The following MBD5 variants were observed in gnomAD, a reference collection of about 807,000 sequenced individuals.
MBD5 encodes the protein methyl-CpG-binding domain protein 5.
In MBD5, 13 loss-of-function variants were observed where a neutral mutation model predicts 117.3. That is an observed-to-expected ratio of 0.11 (90% CI 0.07 to 0.18). The LOEUF is 0.18. MBD5 is among the 10% of genes least tolerant of loss of function. MBD5 has a pLI of 1.00. For missense variants in MBD5, 1,879 were observed against 2,093.8 expected, an observed-to-expected ratio of 0.90 and a Z score of 2.00; for synonymous variants, 727 against 766.4, an observed-to-expected ratio of 0.95 and a Z score of 0.85.
intron 1 of MBD5, among the ~76,000 whole-genome samples, chr2:148,147,086 C>A (rs1024509589): frequency 1.3e-5 from 2 of 151,918 alleles, no homozygotes; most frequent in Non-Finnish European, 2.9e-5. Context: ...TTGTAGGTGG[C>A]TTAACATCTT....
chr2:148,143,331 GAC>G (rs1697363500), intron 1 of MBD5, among the ~76,000 whole-genome samples: 1 of 152,246 alleles, frequency 6.6e-6, no homozygotes, highest in South Asian at 2.1e-4. Flanking sequence ...AGAGAAAAAA[GAC>G]AGAAAAGTTG....
intron 1 of MBD5, among the ~76,000 whole-genome samples, chr2:148,123,843 A>T (rs1340075723): frequency 1.3e-5 from 2 of 152,240 alleles, no homozygotes; most frequent in Non-Finnish European, 2.9e-5. Flanking sequence ...TCCATAGAAC[A>T]CATAGGAAAA....
chr2:148,174,206 G>T (rs758970685), intron 1 of MBD5, among the ~76,000 whole-genome samples: 54 of 152,174 alleles, frequency 3.5e-4, no homozygotes, highest in Admixed American at 6.5e-4. Flanking sequence ...AATGGCAAAG[G>T]ATAGTCTCTT....
At chr2:148,488,748 T>G (rs1396352877) in intron 10 of MBD5, among the ~76,000 whole-genome samples, 1 of 152,014 alleles carries the variant, frequency 6.6e-6, no homozygotes, top group Non-Finnish European at 1.5e-5. Context: ...GCTCCCCTGG[T>G]AAGTATGCTC....
intron 4 of MBD5, among the ~76,000 whole-genome samples, chr2:148,363,229 C>T (rs1437079094): frequency 6.6e-6 from 1 of 151,938 alleles, no homozygotes; most frequent in African/African-American, 2.4e-5. Context: ...TGAAAGGAAG[C>T]TAAGAACCTT....
chr2:148,439,222 A>G (rs1706245854), intron 4 of MBD5, among the ~76,000 whole-genome samples: 1 of 152,056 alleles, frequency 6.6e-6, no homozygotes, highest in South Asian at 2.1e-4. Context: ...AAGATTTTAG[A>G]CTTTAAGGAT....
Position 148,490,286 on chromosome 2 carries a change from C to A in MBD5, c.4654C>A (p.Pro1552Thr), listed in dbSNP as rs762356801. The A allele has an allele frequency of 6.2e-7, 1 of 1,614,166 alleles. No homozygotes were observed. Among genetic ancestry groups the A allele is most frequent in the Non-Finnish European group, 8.5e-7 (1 of 1,180,036 alleles). The change falls in exon 11 of 14, where the codon CCA becomes ACA. Residue 1552 changes from proline to threonine, a missense_variant. Physicochemically the swap from Pro to Thr is conservative, Grantham distance 38. Around this residue, in one of 4 missense-constraint regions of MBD5, gnomAD observed 1,666 missense variants for 1,792.2 expected, o/e 0.93. Transcript: ENST00000642680. Reference protein sequence around the residue: ...KQDLVLEEQSPSSSNSLENSL... With the variant: ...KQDLVLEEQSTSSSNSLENSL... ...AGACCTGGTCCTAGAGGAGCAGTCT[C>A]CAAGTTCCTCAAATAGTTTGGAAAA...
At chr2:148,327,851 C>A (rs1164651766) in intron 3 of MBD5, among the ~76,000 whole-genome samples, 1 of 152,232 alleles carries the variant, frequency 6.6e-6, no homozygotes, top group Admixed American at 6.5e-5. Context: ...TCGTCAAAGT[C>A]ATCTCCGTCC....
At chr2:148,511,924 G>A (rs1303868111) in intron 13 of MBD5, among the ~76,000 whole-genome samples, 3 of 152,230 alleles carry the variant, frequency 2.0e-5, no homozygotes, top group African/African-American at 7.2e-5. Flanking sequence ...GAGCCAACTT[G>A]TAGTGGATCC....
chr2:148,093,385 T>A (rs1695989776), intron 1 of MBD5, among the ~76,000 whole-genome samples: 1 of 152,212 alleles, frequency 6.6e-6, no homozygotes, highest in South Asian at 2.1e-4. Context: ...ATTTGTATTA[T>A]CAGTCATTTT....
chr2:148,337,842 G>A (rs1421811098), intron 3 of MBD5, among the ~76,000 whole-genome samples: 2 of 152,066 alleles, frequency 1.3e-5, no homozygotes, highest in African/African-American at 4.8e-5. Flanking sequence ...CTTTCTTGTA[G>A]GACTTTACTG....
intron 1 of MBD5, among the ~76,000 whole-genome samples, chr2:148,070,437 A>C (rs975074162): frequency 1.3e-5 from 2 of 152,318 alleles, no homozygotes; most frequent in South Asian, 2.1e-4. Flanking sequence ...TTAAAACATA[A>C]ATCATTAAGA....
chr2:148,257,722 G>A (rs1381503648), intron 3 of MBD5, among the ~76,000 whole-genome samples: 2 of 152,218 alleles, frequency 1.3e-5, no homozygotes, highest in Admixed American at 1.3e-4. Context: ...ATGACATATG[G>A]TGGGACTATG....
At chr2:148,214,240 A>G (rs1388603719) in intron 2 of MBD5, among the ~76,000 whole-genome samples, 1 of 152,178 alleles carries the variant, frequency 6.6e-6, no homozygotes, top group Admixed American at 6.5e-5. Context: ...GTCTTTGTGG[A>G]GCTACTCAAC....
At chr2:148,225,507 T>C (rs948865700) in intron 2 of MBD5, among the ~76,000 whole-genome samples, 9 of 152,286 alleles carry the variant, frequency 5.9e-5, no homozygotes, top group African/African-American at 2.2e-4. Flanking sequence ...ACAGTTACAG[T>C]GTTATAATAT....
intron 1 of MBD5, among the ~76,000 whole-genome samples, chr2:148,120,930 G>A (rs1696754468): frequency 3.9e-5 from 6 of 152,152 alleles, no homozygotes; most frequent in Admixed American, 2.6e-4. Flanking sequence ...TCAGATTGAG[G>A]AAGTTTCTTT....
chr2:148,087,448 C>G (rs1281257322), intron 1 of MBD5, among the ~76,000 whole-genome samples: 3 of 152,192 alleles, frequency 2.0e-5, no homozygotes, highest in Non-Finnish European at 2.9e-5. Context: ...CTTCTACAAC[C>G]AATTACAGAG....
chr2:148,195,386 A>T (rs1011096595), intron 2 of MBD5, among the ~76,000 whole-genome samples: 1 of 152,204 alleles, frequency 6.6e-6, no homozygotes, highest in Non-Finnish European at 1.5e-5. Flanking sequence ...TTAACAATAG[A>T]TCTTAAAAAT....
At chr2:148,084,898 A>C (rs1695739149) in intron 1 of MBD5, among the ~76,000 whole-genome samples, 1 of 152,182 alleles carries the variant, frequency 6.6e-6, no homozygotes, top group Non-Finnish European at 1.5e-5. Context: ...ATTTTTTCTT[A>C]ATTCGTAAAC....
Sources: gnomAD v4.1 joint callset for allele counts (sites outside exome capture counted in the v4.1 genomes callset) on GRCh38, gnomAD v4.1.1 for gene constraint, gnomAD v4.1.1 regional missense constraint, MANE v1.5 for transcripts, NCBI Gene and HGNC (gene_info 2026-07-23, HGNC 2026-07-21) for gene names.